The following CFDP1 variants were observed in gnomAD, a reference collection of about 807,000 sequenced individuals.
CFDP1 encodes the protein heterochromatin-stabilizing protein CFDP1.
CFDP1 carries 31 observed loss-of-function variants against 40.1 expected under a neutral mutation model. The ratio of observed to expected loss-of-function variants is 0.77; its 90% CI spans 0.58 to 1.04. The LOEUF (loss-of-function observed/expected upper bound fraction) is 1.04, where lower values mean the gene tolerates loss of function less well. CFDP1 is among the 50% of genes least tolerant of loss of function. The probability of loss-of-function intolerance (pLI) is 0.00; values close to 1 mark genes in which losing one functional copy is unlikely to be tolerated. For missense variants in CFDP1, 423 were observed against 343.4 expected (o/e 1.23, Z -1.83); for synonymous variants, 167 against 120.0 (o/e 1.39, Z -2.56).
At chr16:75,400,493 A>G (rs1452171020) in intron 4 of CFDP1, among the ~76,000 whole-genome samples, 1 of 152,064 alleles carries the variant, frequency 6.6e-6, no homozygotes, top group Non-Finnish European at 1.5e-5. Flanking sequence ...TAGGGCTAAA[A>G]CCAGTTGGAA....
intron 6 of CFDP1, among the ~76,000 whole-genome samples, chr16:75,297,194 G>T (rs1037346293): frequency 1.4e-4 from 20 of 146,330 alleles, no homozygotes; most frequent in East Asian, 3.9e-4. Context: ...GTGTGTGTGT[G>T]TTTTTAGTAG....
intron 4 of CFDP1, among the ~76,000 whole-genome samples, chr16:75,396,995 C>G (rs1002981062): frequency 3.9e-5 from 6 of 152,028 alleles, no homozygotes; most frequent in African/African-American, 1.4e-4. Flanking sequence ...CTCACTGCAA[C>G]CTCTGCCTCC....
chr16:75,341,511 A>C (rs1488347145), intron 5 of CFDP1, among the ~76,000 whole-genome samples: 2 of 152,158 alleles, frequency 1.3e-5, no homozygotes, highest in Non-Finnish European at 2.9e-5. Context: ...AAAATAAGAG[A>C]TTGGCTAGAT....
At chr16:75,392,954 G>C (rs1047917130) in intron 5 of CFDP1, among the ~76,000 whole-genome samples, 3 of 152,210 alleles carry the variant, frequency 2.0e-5, no homozygotes, top group Non-Finnish European at 4.4e-5. Context: ...CAGTGGGAGA[G>C]AAATATCTTG....
At chr16:75,426,917 T>G (rs1180992605) in intron 1 of CFDP1, among the ~76,000 whole-genome samples, 1 of 151,680 alleles carries the variant, frequency 6.6e-6, no homozygotes, top group African/African-American at 2.4e-5. Flanking sequence ...TAGCTGGGTG[T>G]GGTGGCGAGT....
intron 1 of CFDP1, among the ~76,000 whole-genome samples, chr16:75,423,698 T>C (rs1186975067): frequency 6.6e-6 from 1 of 152,106 alleles, no homozygotes; most frequent in Non-Finnish European, 1.5e-5. Flanking sequence ...GTATTTTTAG[T>C]TGAGACGGGG....
intron 4 of CFDP1, among the ~76,000 whole-genome samples, chr16:75,396,813 A>T (rs1188143431): frequency 1.3e-5 from 2 of 151,690 alleles, no homozygotes; most frequent in Non-Finnish European, 2.9e-5. Flanking sequence ...TTCCAGGTTA[A>T]CAAAAACACC....
intron 5 of CFDP1, among the ~76,000 whole-genome samples, chr16:75,317,040 A>C (rs2078327924): frequency 6.6e-6 from 1 of 152,332 alleles, no homozygotes; most frequent in South Asian, 2.1e-4. Context: ...AGAGCAGTTA[A>C]CTAGAGAAAA....
At chr16:75,343,653 T>A (rs1331017022) in intron 5 of CFDP1, among the ~76,000 whole-genome samples, 2 of 152,342 alleles carry the variant, frequency 1.3e-5, no homozygotes, top group South Asian at 4.1e-4. Context: ...TCAATTATTT[T>A]ACAAGCTTCC....
intron 1 of CFDP1, among the ~76,000 whole-genome samples, chr16:75,420,868 A>T (rs2079271054): frequency 6.6e-6 from 1 of 152,132 alleles, no homozygotes; most frequent in Non-Finnish European, 1.5e-5. Context: ...AGTGATTTTT[A>T]ATTTAACTGT....
chr16:75,376,436 A>C (rs575026885), intron 5 of CFDP1, among the ~76,000 whole-genome samples: 1 of 152,194 alleles, frequency 6.6e-6, no homozygotes, highest in Non-Finnish European at 1.5e-5. Context: ...CAGCAACATG[A>C]TAAGTCTCAA....
At chr16:75,338,669 TC>T (rs529582990) in intron 5 of CFDP1, among the ~76,000 whole-genome samples, 41 of 152,050 alleles carry the variant, frequency 2.7e-4, no homozygotes, top group African/African-American at 9.4e-4. Context: ...TTCTTTTTGA[TC>T]CCCCCCTTTC....
intron 5 of CFDP1, among the ~76,000 whole-genome samples, chr16:75,366,421 A>G (rs1188222198): frequency 1.3e-5 from 2 of 152,120 alleles, no homozygotes; most frequent in Non-Finnish European, 2.9e-5. Context: ...CAGGCAGCTC[A>G]GTATCAGCCT....
intron 4 of CFDP1, among the ~76,000 whole-genome samples, chr16:75,401,761 G>C (rs2079056615): frequency 9.3e-6 from 1 of 107,182 alleles, no homozygotes. Context: ...TCATGGAAAT[G>C]ACAAGCCTGG....
At chr16:75,337,176 C>T (rs574155777) in intron 5 of CFDP1, among the ~76,000 whole-genome samples, 8 of 152,302 alleles carry the variant, frequency 5.3e-5, no homozygotes, top group African/African-American at 1.9e-4. Flanking sequence ...CTCGCTGATG[C>T]GAATGATCCA....
chr16:75,319,691 C>T (rs933104476), intron 5 of CFDP1, among the ~76,000 whole-genome samples: 5 of 152,218 alleles, frequency 3.3e-5, no homozygotes, highest in Admixed American at 2.0e-4. Flanking sequence ...CCTCTTCCTC[C>T]AGAGGCAGCT....
At chr16:75,350,040 T>C (rs2078599737) in intron 5 of CFDP1, among the ~76,000 whole-genome samples, 1 of 152,110 alleles carries the variant, frequency 6.6e-6, no homozygotes, top group Admixed American at 6.5e-5. Context: ...CTTTATCAGA[T>C]TGAGGAAGTT....
intron 1 of CFDP1, 39 bp downstream of exon 1, chr16:75,433,250 C>T (rs1246424519): frequency 8.3e-6 from 13 of 1,558,002 alleles, no homozygotes; most frequent in Non-Finnish European, 1.0e-5. Flanking sequence ...AGGCGTGGGG[C>T]GGGGCAATTC....
intron 5 of CFDP1, among the ~76,000 whole-genome samples, chr16:75,389,020 CTCAA>C (rs2078924926): frequency 6.6e-6 from 1 of 151,578 alleles, no homozygotes. Context: ...TTAGGTCATT[CTCAA>C]TCTATAAAGA....
Sources: allele counts gnomAD v4.1 joint callset (sites outside exome capture counted in the v4.1 genomes callset), GRCh38; gene constraint gnomAD v4.1.1; transcripts MANE v1.5; gene names NCBI Gene and HGNC (gene_info 2026-07-23, HGNC 2026-07-21).